The following SCAPER variants were observed in gnomAD, a reference collection of about 807,000 sequenced individuals.
SCAPER encodes S-phase cyclin A associated protein in the ER.
A neutral mutation model predicts 182.2 loss-of-function variants in SCAPER; 98 were observed. The ratio of observed to expected loss-of-function variants is 0.54; its 90% CI spans 0.46 to 0.64. The LOEUF (loss-of-function observed/expected upper bound fraction) is 0.64, where lower values mean the gene tolerates loss of function less well. Ranked by LOEUF, SCAPER falls within the 30% of genes least tolerant of loss-of-function variation. SCAPER has a pLI of 0.00. For missense variants in SCAPER, 1,432 were observed against 1,690.0 expected (o/e 0.85, Z 2.68); for synonymous variants, 605 against 564.6 (o/e 1.07, Z -1.01).
Position 76,548,276 on chromosome 15 carries a change from C to G in SCAPER, c.2838+25882G>C, listed in dbSNP as rs538430083. ...AAACAGAACATTAGAATTGAATAAT[C>G]AGAATTGCCTATTTTGGAAAAATCA... On this transcript the variant is annotated intron_variant, in intron 23 of 31. Transcript: ENST00000563290. 5.3e-5 allele frequency among the ~76,000 whole-genome samples: 8 copies of G among 152,228 alleles called. No homozygotes were observed. In the South Asian group the frequency reaches 1.2e-3, roughly 24 times the overall value.
At chr15:76,621,492 T>C (rs1311423967) in intron 22 of SCAPER, among the ~76,000 whole-genome samples, 5 of 149,092 alleles carry the variant, frequency 3.4e-5, no homozygotes, top group Admixed American at 6.7e-5. Flanking sequence ...TTTGTGAGGG[T>C]TGTCTTATAC....
At chr15:76,541,794 C>T (rs2044772107) in intron 23 of SCAPER, among the ~76,000 whole-genome samples, 1 of 152,112 alleles carries the variant, frequency 6.6e-6, no homozygotes, top group Non-Finnish European at 1.5e-5. Context: ...CTTCCCATGG[C>T]CCTTTTCCTA....
At position 76,728,679 on chromosome 15, in the gene SCAPER, T is replaced by C; in HGVS notation, c.2081A>G (p.Lys694Arg). ...RQARVEELLM[K>R]RKEQEARIEQ... ...AATTCGGGCTTCTTGTTCTTTCCTC[T>C]TCATTAACAATTCTTCTACACGGGC... Residue 694 changes from lysine to arginine, a missense_variant, in exon 17 of 32, where the codon AAG (lysine) becomes AGG (arginine). Transcript: ENST00000563290. 6.8e-6 allele frequency: 11 copies of C among 1,613,628 alleles called. No individual in the cohort carries two copies. The highest frequency in any genetic ancestry group is 9.3e-6 in the Non-Finnish European group (11 of 1,179,690).
At chr15:76,412,805 C>A (rs1390949740) in intron 26 of SCAPER, among the ~76,000 whole-genome samples, 3 of 152,100 alleles carry the variant, frequency 2.0e-5, no homozygotes, top group Admixed American at 2.0e-4. Context: ...TAGGATTGCA[C>A]AGAGTCTATA....
intron 23 of SCAPER, among the ~76,000 whole-genome samples, chr15:76,573,572 A>T (rs2047602308): frequency 6.6e-6 from 1 of 152,012 alleles, no homozygotes; most frequent in Admixed American, 6.6e-5. Flanking sequence ...AAAATAATGT[A>T]AAAAAGTCCA....
intron 15 of SCAPER, among the ~76,000 whole-genome samples, chr15:76,751,638 T>G (rs2062089338): frequency 6.6e-6 from 1 of 151,646 alleles, no homozygotes; most frequent in Non-Finnish European, 1.5e-5. Flanking sequence ...AAGAAAAGCC[T>G]TTTCAGCAAA....
intron 5 of SCAPER, among the ~76,000 whole-genome samples, chr15:76,832,654 G>A (rs2068587707): frequency 6.6e-6 from 1 of 152,276 alleles, no homozygotes; most frequent in South Asian, 2.1e-4. Context: ...TGAATCATGA[G>A]GGTGAATCCT....
chr15:76,526,042 G>A (rs928149127), intron 23 of SCAPER, among the ~76,000 whole-genome samples: 3 of 152,108 alleles, frequency 2.0e-5, no homozygotes, highest in Non-Finnish European at 4.4e-5. Context: ...ACTTAAAAAA[G>A]TAGTTGAACA....
At chr15:76,753,438 G>C (rs1279133917) in intron 15 of SCAPER, among the ~76,000 whole-genome samples, 3 of 151,856 alleles carry the variant, frequency 2.0e-5, no homozygotes, top group Non-Finnish European at 3.0e-5. Context: ...ATAGAAAGCA[G>C]ATCAGTAATT....
At chr15:76,518,376 T>C (rs1030300313) in intron 23 of SCAPER, among the ~76,000 whole-genome samples, 2 of 152,180 alleles carry the variant, frequency 1.3e-5, no homozygotes, top group African/African-American at 4.8e-5. Context: ...TTTATTGCAA[T>C]ATATATATTT....
Position 76,495,993 on chromosome 15 carries a change from G to GACACAC in SCAPER, c.2954+8860_2954+8865dup, listed in dbSNP as rs971206080. 7.4e-3 allele frequency among the ~76,000 whole-genome samples: 431 copies of GACACAC among 58,458 alleles called. 4 individuals are homozygous for GACACAC. Among genetic ancestry groups the GACACAC allele is most frequent in the African/African-American group, 0.023 (408 of 17,428 alleles). 38.4% of individuals were successfully genotyped at this position (58,458 alleles called of 152,430 possible). The stretch of plus-strand genomic sequence containing the variant: ...AAAGAGAAAGAAAGCAAAAGAGAGA[G>GACACAC]ACACACACACACACACACACACACA... On this transcript the variant is annotated intron_variant, in intron 24 of 31. Transcript: ENST00000563290.
intron 22 of SCAPER, 97 bp from the exon 23 acceptor site, chr15:76,574,381 G>C (rs955541171): frequency 1.0e-5 from 14 of 1,395,438 alleles, no homozygotes; most frequent in Non-Finnish European, 3.9e-6. Flanking sequence ...TTTCAGTATT[G>C]GATTTGAAAA....
At chr15:76,598,780 A>G (rs1473835086) in intron 22 of SCAPER, among the ~76,000 whole-genome samples, 4 of 119,760 alleles carry the variant, frequency 3.3e-5, no homozygotes, top group African/African-American at 1.0e-4. Context: ...GGAAGGAAAC[A>G]TCACACACCG....
At chr15:76,437,791 C>T (rs1428647769) in intron 25 of SCAPER, among the ~76,000 whole-genome samples, 1 of 152,164 alleles carries the variant, frequency 6.6e-6, no homozygotes, top group Non-Finnish European at 1.5e-5. Flanking sequence ...AAAAAGACTT[C>T]TGAGATAATA....
chr15:76,666,868 TTATAA>T (rs972430225), intron 20 of SCAPER, among the ~76,000 whole-genome samples: 4 of 152,278 alleles, frequency 2.6e-5, no homozygotes, highest in South Asian at 2.1e-4. Context: ...TTCCCTCCTG[TTATAA>T]TATATGAACA....
At chr15:76,399,650 C>G (rs998240198) in intron 27 of SCAPER, among the ~76,000 whole-genome samples, 7 of 152,090 alleles carry the variant, frequency 4.6e-5, no homozygotes, top group African/African-American at 1.7e-4. Context: ...TTTTCTATCC[C>G]AAGTTGAAAC....
chr15:76,804,677 C>A lies in SCAPER; in HGVS notation c.394-44G>T, dbSNP rs901008. ...AAAAAAATTAAATTCCAGTCTGAGA[C>A]TAAAAACTTTGAAGAAAAAAAAGAG... is the stretch of plus-strand genomic sequence containing the variant. On this transcript the variant is annotated intron_variant, in intron 5 of 31. Transcript: ENST00000563290. The A allele has an allele frequency of 0.13, 169,765 of 1,280,450 alleles. 12,368 individuals are homozygous for A. The highest frequency in any genetic ancestry group is 0.24 in the African/African-American group (16,134 of 66,572). The allele number at this position is 1,280,450 out of a possible 1,614,324, so 79.3% of individuals were successfully genotyped here.
chr15:76,815,491 C>A (rs567050833), intron 5 of SCAPER, among the ~76,000 whole-genome samples: 2 of 152,278 alleles, frequency 1.3e-5, no homozygotes, highest in Admixed American at 6.5e-5. Context: ...CATCATTGTG[C>A]GACCATCAGA....
chr15:76,745,902 T>C (rs895023410), intron 15 of SCAPER, among the ~76,000 whole-genome samples: 14 of 152,210 alleles, frequency 9.2e-5, no homozygotes, highest in African/African-American at 3.4e-4. Flanking sequence ...TCATCAATAA[T>C]CTACCTTCAG....
Sources: allele counts gnomAD v4.1 joint callset (sites outside exome capture counted in the v4.1 genomes callset), GRCh38; gene constraint gnomAD v4.1.1; transcripts MANE v1.5; gene names NCBI Gene and HGNC (gene_info 2026-07-23, HGNC 2026-07-21).